Variants in PCNX2 observed in about 807,000 individuals in gnomAD.
The protein encoded by PCNX2 is pecanex 2, also known as pecanex-like protein 2.
In PCNX2, 168 loss-of-function variants were observed where a neutral mutation model predicts 223.8. The observed-to-expected ratio is 0.75, with a 90% CI of 0.66 to 0.85. The LOEUF is 0.85. Ranked by LOEUF, PCNX2 falls within the 40% of genes least tolerant of loss-of-function variation. PCNX2 has a pLI of 0.00. For synonymous variants in PCNX2, 1,006 were observed against 1,052.6 expected, an observed-to-expected ratio of 0.96 and a Z score of 0.86; for missense variants, 2,507 against 2,675.5, an observed-to-expected ratio of 0.94 and a Z score of 1.39.
Position 233,258,383 on chromosome 1 carries a change from C to G in PCNX2, c.1479G>C (p.Val493=). The part of the protein sequence containing the change: ...SSSSREPWES[V]SRLTPDTGSE... The stretch of plus-strand genomic sequence containing the variant: ...AGCCTGTATCAGGTGTAAGCCGGGA[C>G]ACCGATTCCCAGGGTTCCCGTGATG... The change falls in exon 5 of 34, where the codon GTG becomes GTC. Residue 493 remains valine (V), a synonymous_variant. Coordinates refer to ENST00000258229, the MANE Select transcript of PCNX2 (RefSeq NM_014801.4). 1 of 1,613,986 alleles carries G rather than the reference C, an allele frequency of 6.2e-7. No homozygotes were observed. Among genetic ancestry groups the G allele is most frequent in the Non-Finnish European group, 8.5e-7 (1 of 1,179,872 alleles).
intron 19 of PCNX2, among the ~76,000 whole-genome samples, chr1:233,148,477 G>A (rs1188857710): frequency 2.7e-5 from 4 of 150,710 alleles, no homozygotes; most frequent in Non-Finnish European, 4.4e-5. Flanking sequence ...CTGTTGCCCA[G>A]GCTGGAGTCC....
chr1:233,065,698 A>T (rs1379354795), intron 23 of PCNX2: 1 of 152,016 alleles, frequency 6.6e-6, no homozygotes, highest in Non-Finnish European at 1.5e-5. Flanking sequence ...GCATCAACAA[A>T]CCCCTGATCT....
the PCNX2 span, among the ~76,000 whole-genome samples, chr1:233,319,050 C>G: frequency 6.6e-6 from 1 of 152,186 alleles, no homozygotes; most frequent in Non-Finnish European, 1.5e-5. Context: ...CTGATACCCA[C>G]CATCTTTCAG....
chr1:233,284,090 T>C (rs1476165206), intron 1 of PCNX2, among the ~76,000 whole-genome samples: 1 of 152,062 alleles, frequency 6.6e-6, no homozygotes, highest in Non-Finnish European at 1.5e-5. Flanking sequence ...CTAAAAGCCA[T>C]GTTTGATCCT....
chr1:233,268,505 C>A (rs1173035964), intron 1 of PCNX2, among the ~76,000 whole-genome samples: 1 of 152,122 alleles, frequency 6.6e-6, no homozygotes, highest in African/African-American at 2.4e-5. Context: ...CTTTCACAAG[C>A]TAATTTTGAA....
At chr1:233,041,246 A>G (rs187299323) in intron 25 of PCNX2, among the ~76,000 whole-genome samples, 335 of 152,340 alleles carry the variant, frequency 2.2e-3, no homozygotes, top group African/African-American at 7.6e-3. Context: ...CTCTCTTTAA[A>G]ATAATGATCA....
intron 13 of PCNX2, among the ~76,000 whole-genome samples, chr1:233,205,184 G>C (rs1681370612): frequency 6.6e-6 from 1 of 152,132 alleles, no homozygotes; most frequent in East Asian, 1.9e-4. Flanking sequence ...GAATGAGGGA[G>C]ATACCCATGT....
chr1:233,107,658 A>G (rs67996392), intron 21 of PCNX2, among the ~76,000 whole-genome samples: 1 of 142,870 alleles, frequency 7.0e-6, no homozygotes, highest in Non-Finnish European at 1.5e-5. Context: ...TTTCTTCCAC[A>G]CTTACAATGA....
intron 32 of PCNX2, among the ~76,000 whole-genome samples, chr1:232,996,518 G>GGGT (rs1310891910): frequency 6.6e-6 from 1 of 152,156 alleles, no homozygotes; most frequent in African/African-American, 2.4e-5. Context: ...AGCATGGGGT[G>GGGT]GGTGGGGCAG....
intron 21 of PCNX2, among the ~76,000 whole-genome samples, chr1:233,128,066 G>C (rs2102749408): frequency 6.6e-6 from 1 of 152,252 alleles, no homozygotes; most frequent in Non-Finnish European, 1.5e-5. Context: ...ACCCAGCGTG[G>C]TAGTCCATGA....
the PCNX2 span, among the ~76,000 whole-genome samples, chr1:233,302,872 A>G: frequency 6.6e-6 from 1 of 152,178 alleles, no homozygotes; most frequent in South Asian, 2.1e-4. Flanking sequence ...TCCAGAGAAC[A>G]TACTCTTAAT....
chr1:233,044,021 C>T (rs1671740272), intron 25 of PCNX2, among the ~76,000 whole-genome samples: 1 of 151,508 alleles, frequency 6.6e-6, no homozygotes, highest in Non-Finnish European at 1.5e-5. Flanking sequence ...TACAGTCCCA[C>T]CAACAGTGTA....
At chr1:233,221,751 T>C (rs949916647) in intron 10 of PCNX2, among the ~76,000 whole-genome samples, 3 of 151,950 alleles carry the variant, frequency 2.0e-5, no homozygotes, top group Non-Finnish European at 2.9e-5. Context: ...CAACTCAGAG[T>C]GAGGCTTACA....
At position 233,270,178 on chromosome 1, in the gene PCNX2, C is replaced by A. The variant is rs540009054; in HGVS notation, c.154-7015G>T. Reference sequence around the variant, plus strand: ...TTATAATTCCTTGAGGGATTGAGGACAGGTGTGTATACAAAAAAAAGCACA... The same window carrying A: ...TTATAATTCCTTGAGGGATTGAGGAAAGGTGTGTATACAAAAAAAAGCACA... On this transcript the variant is annotated intron_variant, in intron 1 of 33. Transcript: ENST00000258229. Among the ~76,000 whole-genome samples the A allele has an allele frequency of 2.0e-5, 3 of 152,012 alleles. No individual in the cohort carries two copies. The South Asian group carries it at 6.2e-4, about 32-fold the overall frequency.
chr1:233,176,961 G>A (rs961361265), intron 17 of PCNX2, among the ~76,000 whole-genome samples: 3 of 152,088 alleles, frequency 2.0e-5, no homozygotes, highest in East Asian at 1.9e-4. Context: ...GCAGTGAGCC[G>A]AGATCATGCC....
chr1:233,091,094 C>A (rs1288946202), intron 22 of PCNX2, among the ~76,000 whole-genome samples: 2 of 152,146 alleles, frequency 1.3e-5, no homozygotes, highest in African/African-American at 4.8e-5. Flanking sequence ...CAAGAGAGAA[C>A]TGCTGGCCAG....
At chr1:233,114,051 A>G (rs1675270034) in intron 21 of PCNX2, among the ~76,000 whole-genome samples, 1 of 152,238 alleles carries the variant, frequency 6.6e-6, no homozygotes, top group East Asian at 1.9e-4. Flanking sequence ...ACTTAATAAT[A>G]GTGGGAGATA....
chr1:233,051,993 G>A (rs1319520756), intron 25 of PCNX2, among the ~76,000 whole-genome samples: 1 of 152,062 alleles, frequency 6.6e-6, no homozygotes, highest in Non-Finnish European at 1.5e-5. Flanking sequence ...ACCATCTCTC[G>A]TGACATTTTC....
chr1:233,216,964 A>G (rs1296788406), intron 12 of PCNX2, among the ~76,000 whole-genome samples: 1 of 152,202 alleles, frequency 6.6e-6, no homozygotes. Context: ...GTCAGGTGCA[A>G]AAAGAAATAT....
Sources: allele counts gnomAD v4.1 joint callset (sites outside exome capture counted in the v4.1 genomes callset), GRCh38; gene constraint gnomAD v4.1.1; transcripts MANE v1.5; gene names NCBI Gene and HGNC (gene_info 2026-07-23, HGNC 2026-07-21).